VWC2L: variants seen among roughly 807,000 people sequenced by gnomAD.
VWC2L encodes the protein von Willebrand factor C domain containing 2 like, also known as von Willebrand factor C domain-containing protein 2-like.
Under a neutral mutation model 21.6 loss-of-function variants are expected in VWC2L, and 10 were observed. That is an observed-to-expected ratio of 0.46 (90% CI 0.29 to 0.78). The LOEUF (loss-of-function observed/expected upper bound fraction) is 0.78, where lower values mean the gene tolerates loss of function less well. Ranked by LOEUF, VWC2L falls within the 30% of genes least tolerant of loss-of-function variation. The pLI, the probability that VWC2L is intolerant of heterozygous loss-of-function variation, is 0.10. For missense variants in VWC2L, 209 were observed against 277.1 expected (o/e 0.75, Z 1.74); for synonymous variants, 96 against 94.3 (o/e 1.02, Z -0.10).
intron 3 of VWC2L, among the ~76,000 whole-genome samples, chr2:214,512,238 G>C (rs1574607336): frequency 1.3e-5 from 2 of 152,258 alleles, no homozygotes; most frequent in Admixed American, 6.5e-5. Context: ...CATTTGCCAA[G>C]TTCACTGTAC....
chr2:214,477,184 A>G (rs553785547), intron 3 of VWC2L, among the ~76,000 whole-genome samples: 1 of 152,342 alleles, frequency 6.6e-6, no homozygotes, highest in Admixed American at 6.5e-5. Flanking sequence ...AATTAGTCAG[A>G]AAATGCCATT....
chr2:214,414,294 G>C lies in VWC2L; in HGVS notation c.101G>C (p.Gly34Ala). The C allele has an allele frequency of 1.2e-6, 2 of 1,613,856 alleles. No individual in the cohort carries two copies. The highest frequency in any genetic ancestry group is 1.7e-6 in the Non-Finnish European group (2 of 1,179,834). ...ISHEDYPADE[G>A]DQISSNDNLI... is the part of the protein sequence containing the mutation. ...CATGAAGACTATCCTGCTGATGAAG[G>C]TGACCAGATCTCCAGTAATGACAAT... The change falls in exon 2 of 4, where the codon GGT (glycine) becomes GCT (alanine). Residue 34 changes from glycine (G) to alanine (A), a missense_variant. Gly to Ala is a moderately conservative substitution (Grantham distance 60). Coordinates refer to ENST00000312504, the MANE Select transcript of VWC2L (RefSeq NM_001080500.4).
At chr2:214,464,498 T>C (rs1703188099) in intron 3 of VWC2L, among the ~76,000 whole-genome samples, 4 of 151,962 alleles carry the variant, frequency 2.6e-5, no homozygotes, top group Admixed American at 2.6e-4. Context: ...TCAGAGTCTC[T>C]CTCTCCATGC....
intron 3 of VWC2L, among the ~76,000 whole-genome samples, chr2:214,569,866 G>A (rs758748677): frequency 6.6e-6 from 1 of 152,144 alleles, no homozygotes. Context: ...GATGTTTAAT[G>A]CTTAACATCG....
chr2:214,449,340 A>G (rs2126183877), intron 3 of VWC2L, among the ~76,000 whole-genome samples: 1 of 152,300 alleles, frequency 6.6e-6, no homozygotes, highest in East Asian at 1.9e-4. Flanking sequence ...TTACAAAGCC[A>G]TGAGCATTGA....
At chr2:214,449,712 A>G (rs1702925415) in intron 3 of VWC2L, among the ~76,000 whole-genome samples, 1 of 152,162 alleles carries the variant, frequency 6.6e-6, no homozygotes, top group South Asian at 2.1e-4. Flanking sequence ...AAATATATTT[A>G]TGGTTGGATA....
In VWC2L at chr2:214,578,888, A is replaced by C. The variant is rs1690274020; in HGVS notation, c.*3068A>C. On this transcript the variant is annotated 3_prime_UTR_variant, in exon 4 of 4. Coordinates refer to ENST00000312504, the MANE Select transcript of VWC2L (RefSeq NM_001080500.4). ...AAAAACCTAAACACTAAACTGTAAA[A>C]AGGGGATTCTAGCAACAATATTTGA... The C allele has an allele frequency of 6.6e-6, 1 of 152,044 alleles. No individual in the cohort carries two copies. Among genetic ancestry groups the C allele is most frequent in the Non-Finnish European group, 1.5e-5 (1 of 67,996 alleles). The allele number at this position is 152,044 out of a possible 1,614,324, so 9.4% of individuals were successfully genotyped here. A position where few individuals can be genotyped will look rare whatever the true frequency, so the allele number is the denominator to read the frequency against.
chr2:214,430,387 G>A (rs959221923), intron 2 of VWC2L, among the ~76,000 whole-genome samples: 9 of 151,988 alleles, frequency 5.9e-5, no homozygotes, highest in Non-Finnish European at 1.2e-4. Context: ...AAAGGTATTT[G>A]TTTTTTAAAA....
chr2:214,498,696 CATAT>C (rs1688845669), intron 3 of VWC2L, among the ~76,000 whole-genome samples: 3 of 38,330 alleles, frequency 7.8e-5, no homozygotes, highest in Non-Finnish European at 2.5e-4. Flanking sequence ...ATATATTATA[CATAT>C]ACATATTTTT....
chr2:214,434,260 A>T (rs1365692560), intron 2 of VWC2L, among the ~76,000 whole-genome samples: 1 of 152,170 alleles, frequency 6.6e-6, no homozygotes, highest in African/African-American at 2.4e-5. Context: ...CTGGATTATT[A>T]TCTGTTAACA....
At chr2:214,536,664 A>T (rs1689535915) in intron 3 of VWC2L, 1 of 152,068 alleles carries the variant, frequency 6.6e-6, no homozygotes, top group Admixed American at 6.6e-5. Flanking sequence ...ATATAAAAGT[A>T]TTTTACCTTC....
intron 3 of VWC2L, among the ~76,000 whole-genome samples, chr2:214,520,366 A>G (rs1399760974): frequency 2.0e-5 from 3 of 152,122 alleles, no homozygotes; most frequent in African/African-American, 4.8e-5. Flanking sequence ...GTCTGTAAAT[A>G]TTCCATTTTT....
At chr2:214,419,181 C>A (rs1312802882) in intron 2 of VWC2L, among the ~76,000 whole-genome samples, 1 of 152,098 alleles carries the variant, frequency 6.6e-6, no homozygotes, top group Non-Finnish European at 1.5e-5. Flanking sequence ...ACTCTAAATT[C>A]TCCAGGGTTC....
chr2:214,465,359 G>T (rs1703200373), intron 3 of VWC2L, among the ~76,000 whole-genome samples: 2 of 152,154 alleles, frequency 1.3e-5, no homozygotes, highest in South Asian at 4.1e-4. Flanking sequence ...GATGGATTCT[G>T]CCAGGACTGG....
intron 2 of VWC2L, among the ~76,000 whole-genome samples, chr2:214,423,695 C>A (rs565445273): frequency 4.8e-4 from 73 of 152,034 alleles, no homozygotes; most frequent in Admixed American, 2.5e-3. Context: ...CCTAAGTTTC[C>A]AAAGGCTGTA....
At chr2:214,419,358 G>C (rs886943221) in intron 2 of VWC2L, among the ~76,000 whole-genome samples, 2 of 152,052 alleles carry the variant, frequency 1.3e-5, no homozygotes, top group Non-Finnish European at 2.9e-5. Flanking sequence ...TGGAAATGTA[G>C]GCTTAACTAT....
intron 3 of VWC2L, among the ~76,000 whole-genome samples, chr2:214,532,832 T>C (rs1689460810): frequency 6.6e-6 from 1 of 152,044 alleles, no homozygotes; most frequent in South Asian, 2.1e-4. Flanking sequence ...AGCTGAGTCT[T>C]TGCTGCCTGA....
At chr2:214,440,985 C>T (rs1702756711) in intron 3 of VWC2L, among the ~76,000 whole-genome samples, 1 of 152,232 alleles carries the variant, frequency 6.6e-6, no homozygotes, top group South Asian at 2.1e-4. Flanking sequence ...TTTGAAAAGA[C>T]AGAACGCTCC....
At chr2:214,505,851 A>G (rs546565100) in intron 3 of VWC2L, among the ~76,000 whole-genome samples, 9 of 152,288 alleles carry the variant, frequency 5.9e-5, no homozygotes, top group African/African-American at 2.2e-4. Flanking sequence ...AAGAGTGTTT[A>G]ACATGATCCA....
Sources: allele counts gnomAD v4.1 joint callset (sites outside exome capture counted in the v4.1 genomes callset), GRCh38; gene constraint gnomAD v4.1.1; transcripts MANE v1.5; gene names NCBI Gene and HGNC (gene_info 2026-07-23, HGNC 2026-07-21).